The following RIT2 variants were observed in gnomAD, a reference collection of about 807,000 sequenced individuals.
RIT2 encodes the protein Ras like without CAAX 2, also known as GTP-binding protein Rit2.
In RIT2, 24 loss-of-function variants were observed where a neutral mutation model predicts 23.7. The observed-to-expected ratio is 1.01, with a 90% CI of 0.73 to 1.43. RIT2 has a LOEUF of 1.43. Ranked by LOEUF, RIT2 falls within the 40% of genes most tolerant of loss-of-function variation. RIT2 has a pLI of 0.00. For missense variants in RIT2, 236 were observed against 266.9 expected (o/e 0.88, Z 0.81); for synonymous variants, 107 against 91.1 (o/e 1.17, Z -0.99).
intron 3 of RIT2, among the ~76,000 whole-genome samples, chr18:42,941,854 A>C (rs558920583): frequency 2.2e-3 from 337 of 152,236 alleles, no homozygotes; most frequent in Non-Finnish European, 4.2e-3. Flanking sequence ...TAATGAAGAG[A>C]CTAAGGAACT....
intron 4 of RIT2, among the ~76,000 whole-genome samples, chr18:42,899,712 A>G (rs1230683761): frequency 6.6e-6 from 1 of 152,096 alleles, no homozygotes; most frequent in East Asian, 1.9e-4. Flanking sequence ...ATAAATGTGT[A>G]GCCTGTGATT....
At chr18:43,005,456 G>A (rs4324214) in intron 2 of RIT2, among the ~76,000 whole-genome samples, 18,431 of 151,718 alleles carry the variant, frequency 0.12, 1,232 homozygotes, top group African/African-American at 0.15. Context: ...TAAAATGATA[G>A]TGAAAAAACA....
rs185008971 is a variant in RIT2 at position 43,027,238 on chromosome 18, G to C, written c.160+6573C>G. 4.6e-4 allele frequency among the ~76,000 whole-genome samples: 70 copies of C among 152,144 alleles called. 1 individual carries two copies. In the Middle Eastern group the frequency reaches 0.02, roughly 44 times the overall value. On this transcript the variant is annotated intron_variant, in intron 2 of 4. Transcript: ENST00000326695. Reference sequence around the variant, plus strand: ...ATTAGAAAGGGAATTAGAGTCTGGTGGTACATTCAACTCTGAGCAGCTTTA... The same window carrying C: ...ATTAGAAAGGGAATTAGAGTCTGGTCGTACATTCAACTCTGAGCAGCTTTA...
intron 4 of RIT2, among the ~76,000 whole-genome samples, chr18:42,849,315 C>A (rs747377063): frequency 6.6e-6 from 1 of 152,166 alleles, no homozygotes; most frequent in Non-Finnish European, 1.5e-5. Context: ...ACATGTTGTG[C>A]GCCAATAGGA....
chr18:43,043,286 T>C (rs1015076024), intron 1 of RIT2, among the ~76,000 whole-genome samples: 2 of 152,160 alleles, frequency 1.3e-5, no homozygotes, highest in African/African-American at 4.8e-5. Context: ...ATCAAATTGA[T>C]TGGGCCATAG....
At chr18:42,915,403 G>A (rs2144123716) in intron 4 of RIT2, among the ~76,000 whole-genome samples, 1 of 152,120 alleles carries the variant, frequency 6.6e-6, no homozygotes, top group East Asian at 1.9e-4. Flanking sequence ...ATTACAAAAG[G>A]TTAGTTAAGA....
chr18:42,952,968 C>T lies in RIT2; in HGVS notation c.234+21106G>A, dbSNP rs191279141. On this transcript the variant is annotated intron_variant, in intron 3 of 4. Transcript: ENST00000326695. ...GGTGTTTTTTTTTTTCACACTATAC[C>T]ATCCTTTCTCAGCTTTCCCAGAAAA... Among the ~76,000 whole-genome samples, 468 of 150,774 alleles carry T rather than the reference C, an allele frequency of 3.1e-3. 1 individual carries two copies. The highest frequency in any genetic ancestry group is 0.011 in the African/African-American group (446 of 41,186).
rs994204671 is a variant in RIT2, at chr18:43,115,359, C to G, written c.103+58G>C. On this transcript the variant is annotated intron_variant, in intron 1 of 4. Coordinates refer to ENST00000326695, the MANE Select transcript of RIT2 (RefSeq NM_002930.4). Reference sequence around the variant, plus strand: ...TCAGCAATATCATTTTTCTTTCACTCTATAGAGTTGTCTCTATAGAGGTCC... The same window carrying G: ...TCAGCAATATCATTTTTCTTTCACTGTATAGAGTTGTCTCTATAGAGGTCC... 1.9e-6 allele frequency: 3 copies of G among 1,601,490 alleles called. No individual in the cohort carries two copies. The African/African-American group carries it at 4.1e-5, about 22-fold the overall frequency.
intron 4 of RIT2, among the ~76,000 whole-genome samples, chr18:42,799,536 T>C (rs979001380): frequency 2.6e-5 from 4 of 152,198 alleles, no homozygotes; most frequent in Non-Finnish European, 5.9e-5. Context: ...CTCTCTCAGC[T>C]TCCTTAATCT....
chr18:42,935,804 G>A (rs1008664120), intron 3 of RIT2, among the ~76,000 whole-genome samples: 8 of 152,080 alleles, frequency 5.3e-5, no homozygotes, highest in Non-Finnish European at 8.8e-5. Flanking sequence ...CCCAGCAAGT[G>A]GCTCAAGACC....
chr18:42,906,777 T>C (rs1908633973), intron 4 of RIT2, among the ~76,000 whole-genome samples: 1 of 152,222 alleles, frequency 6.6e-6, no homozygotes, highest in Non-Finnish European at 1.5e-5. Flanking sequence ...CTGATAATTA[T>C]GAAAATAGCT....
intron 4 of RIT2, among the ~76,000 whole-genome samples, chr18:42,843,989 T>C (rs949213813): frequency 6.6e-6 from 1 of 152,052 alleles, no homozygotes; most frequent in South Asian, 2.1e-4. Flanking sequence ...AGAGATAGAG[T>C]CTAATTGATA....
chr18:42,762,490 T>A (rs541302739), intron 4 of RIT2, among the ~76,000 whole-genome samples: 21 of 152,198 alleles, frequency 1.4e-4, no homozygotes, highest in Non-Finnish European at 2.5e-4. Flanking sequence ...ACAAAAAGGA[T>A]GCATAACTGC....
chr18:42,862,044 A>T (rs1254162834), intron 4 of RIT2, among the ~76,000 whole-genome samples: 1 of 152,178 alleles, frequency 6.6e-6, no homozygotes, highest in Non-Finnish European at 1.5e-5. Flanking sequence ...ATAAGAGAAA[A>T]GCATTTTACT....
chr18:42,766,578 G>A (rs570020210), intron 4 of RIT2, among the ~76,000 whole-genome samples: 40 of 152,312 alleles, frequency 2.6e-4, no homozygotes, highest in Non-Finnish European at 4.7e-4. Flanking sequence ...CTGACTATGC[G>A]ATAGAAAGAA....
intron 2 of RIT2, among the ~76,000 whole-genome samples, chr18:42,994,075 T>C (rs1397039469): frequency 2.0e-5 from 3 of 152,034 alleles, no homozygotes; most frequent in Non-Finnish European, 4.4e-5. Context: ...ACCCATAAAC[T>C]CTCCTATCCT....
intron 4 of RIT2, among the ~76,000 whole-genome samples, chr18:42,903,151 G>T (rs1165533931): frequency 6.6e-6 from 1 of 151,858 alleles, no homozygotes; most frequent in East Asian, 1.9e-4. Context: ...AGAAAAAAAT[G>T]GACAAATTTT....
chr18:42,989,574 G>T (rs1309094908), intron 2 of RIT2, among the ~76,000 whole-genome samples: 1 of 152,126 alleles, frequency 6.6e-6, no homozygotes, highest in African/African-American at 2.4e-5. Flanking sequence ...CTTACACTAA[G>T]TTATTAAAAG....
intron 4 of RIT2, among the ~76,000 whole-genome samples, chr18:42,804,871 T>G (rs904988831): frequency 3.3e-5 from 5 of 152,152 alleles, no homozygotes; most frequent in African/African-American, 9.7e-5. Context: ...TATTCCCTAA[T>G]CAGGCACACA....
Sources: allele counts gnomAD v4.1 joint callset (sites outside exome capture counted in the v4.1 genomes callset), GRCh38; gene constraint gnomAD v4.1.1; transcripts MANE v1.5; gene names NCBI Gene and HGNC (gene_info 2026-07-23, HGNC 2026-07-21).